Variants in UPP2 observed in about 807,000 individuals in gnomAD.
UPP2 encodes uridine phosphorylase 2.
Under a neutral mutation model 26.7 loss-of-function variants are expected in UPP2, and 23 were observed. The ratio of observed to expected loss-of-function variants is 0.86; its 90% confidence interval spans 0.62 to 1.22. UPP2 has a LOEUF of 1.22. Ranked by LOEUF, UPP2 falls within the 50% of genes most tolerant of loss-of-function variation. UPP2 has a pLI of 0.00. For synonymous variants in UPP2, 127 were observed against 141.3 expected, an observed-to-expected ratio of 0.90 and a Z score of 0.72; for missense variants, 387 against 396.7, an observed-to-expected ratio of 0.98 and a Z score of 0.21.
At chr2:158,120,223 C>T (rs34432055) in intron 4 of UPP2, among the ~76,000 whole-genome samples, 77,601 of 151,534 alleles carry the variant, frequency 0.51, 20,751 homozygotes, top group Middle Eastern at 0.59. Flanking sequence ...AAGGACAAGA[C>T]AGTACATATT....
intron 2 of UPP2, among the ~76,000 whole-genome samples, chr2:158,009,696 C>G (rs936250831): frequency 3.9e-5 from 6 of 152,152 alleles, no homozygotes; most frequent in Non-Finnish European, 7.4e-5. Flanking sequence ...TGGACTGTGC[C>G]CTAGAAGGAA....
chr2:158,030,283 T>C (rs996281314), intron 3 of UPP2, among the ~76,000 whole-genome samples: 4 of 152,220 alleles, frequency 2.6e-5, no homozygotes, highest in Non-Finnish European at 5.9e-5. Flanking sequence ...TTTTAGGTAG[T>C]ACATGATTTT....
At chr2:158,056,936 C>T (rs757858790) in intron 3 of UPP2, among the ~76,000 whole-genome samples, 7 of 152,186 alleles carry the variant, frequency 4.6e-5, no homozygotes, top group African/African-American at 7.2e-5. Flanking sequence ...CTTTGCTTGG[C>T]TGTGGCAGTT....
chr2:158,053,743 A>G (rs891128404), intron 3 of UPP2, among the ~76,000 whole-genome samples: 5 of 152,240 alleles, frequency 3.3e-5, no homozygotes, highest in Non-Finnish European at 7.3e-5. Context: ...TTTTAGCCAC[A>G]GGATGTCTCA....
chr2:158,090,873 C>T (rs1253709143), intron 3 of UPP2, among the ~76,000 whole-genome samples: 3 of 152,172 alleles, frequency 2.0e-5, no homozygotes, highest in African/African-American at 7.2e-5. Context: ...TGGGATTCTG[C>T]AGGATGTATA....
chr2:158,132,542 G>C lies in UPP2; in HGVS notation c.812-2206G>C, dbSNP rs559508563. Among the ~76,000 whole-genome samples, 4 of 152,256 alleles carry C rather than the reference G, an allele frequency of 2.6e-5. No individual in the cohort carries two copies. The South Asian group carries it at 8.3e-4, about 32-fold the overall frequency. On this transcript the variant is annotated intron_variant, in intron 6 of 6. Transcript: ENST00000005756. ...GATTAAGTGATATCATAAATGCTTG[G>C]CATGTAGCAATAACTAAGTCAAACA... is the stretch of plus-strand genomic sequence containing the variant.
At chr2:158,128,632 A>G (rs534480234) in intron 6 of UPP2, among the ~76,000 whole-genome samples, 1 of 152,290 alleles carries the variant, frequency 6.6e-6, no homozygotes, top group Admixed American at 6.5e-5. Context: ...GGTGAGCTGG[A>G]CTTTGAACCC....
In UPP2 at chr2:158,018,229, C is replaced by G. The variant is rs567515802; in HGVS notation, c.147+2343C>G. Among the ~76,000 whole-genome samples, 3 of 152,318 alleles carry G rather than the reference C, an allele frequency of 2.0e-5. No individual in the cohort carries two copies. The South Asian group carries it at 6.2e-4, about 32-fold the overall frequency. ...ATAAAAGCTCCGCTTCCTGTGATATCCCAAGAAATAGCTACTTGCAAAAAT... is the reference window on the plus strand; with the variant it reads ...ATAAAAGCTCCGCTTCCTGTGATATGCCAAGAAATAGCTACTTGCAAAAAT... On this transcript the variant is annotated intron_variant, in intron 3 of 9. Coordinates refer to the UPP2 transcript ENST00000605860.
intron 6 of UPP2, chr2:158,127,881 G>A (rs565665089): frequency 4.2e-6 from 2 of 474,444 alleles, no homozygotes; most frequent in South Asian, 9.0e-5. Context: ...ATGTAAACCT[G>A]TTCAATGGAA....
intron 4 of UPP2, among the ~76,000 whole-genome samples, chr2:158,119,347 C>T (rs2105225642): frequency 6.6e-6 from 1 of 152,140 alleles, no homozygotes. Context: ...GCAAATTAAC[C>T]CACTGTACTG....
Position 158,134,949 on chromosome 2 carries a change from G to T in UPP2, c.*59G>T. 6.6e-7 allele frequency: 1 copy of T among 1,516,836 alleles called. No homozygotes were observed. The highest frequency in any genetic ancestry group is 8.9e-7 in the Non-Finnish European group (1 of 1,129,484). The allele number at this position is 1,516,836 out of a possible 1,614,324, so 94.0% of individuals were successfully genotyped here. A position where few individuals can be genotyped will look rare whatever the true frequency, so the allele number is the denominator to read the frequency against. ...AAGTTTGTAGCTCAAGTTGTAATGT[G>T]AAAGTCATATTTTATTTGTGGCATT... On this transcript the variant is annotated 3_prime_UTR_variant, in exon 7 of 7. Coordinates refer to ENST00000005756, the MANE Select transcript of UPP2 (RefSeq NM_173355.4).
chr2:158,134,669 A>C (rs182778689), intron 6 of UPP2, 79 bp from the exon 7 acceptor site: 3 of 1,453,768 alleles, frequency 2.1e-6, no homozygotes, highest in Non-Finnish European at 2.7e-6. Flanking sequence ...TGTGCTAGGG[A>C]TGCTGGTGTG....
intron 3 of UPP2, among the ~76,000 whole-genome samples, chr2:158,076,211 G>A (rs780438961): frequency 6.6e-6 from 1 of 151,924 alleles, no homozygotes; most frequent in Non-Finnish European, 1.5e-5. Context: ...CCCAGGACCC[G>A]ATGGCTTCAC....
intron 2 of UPP2, among the ~76,000 whole-genome samples, chr2:158,003,001 T>C (rs1382572969): frequency 6.6e-6 from 1 of 152,126 alleles, no homozygotes; most frequent in Non-Finnish European, 1.5e-5. Context: ...TAACTGCTGG[T>C]CCAGGTTAAG....
intron 3 of UPP2, among the ~76,000 whole-genome samples, chr2:158,027,534 A>C (rs1249339441): frequency 6.6e-6 from 1 of 152,082 alleles, no homozygotes; most frequent in Non-Finnish European, 1.5e-5. Context: ...GACTGCTTTC[A>C]TGGGCTGGCA....
chr2:158,010,546 T>A (rs1405358605), intron 2 of UPP2, among the ~76,000 whole-genome samples: 2 of 152,174 alleles, frequency 1.3e-5, no homozygotes, highest in African/African-American at 2.4e-5. Flanking sequence ...ATCCTCCCTT[T>A]TACCTTTCCT....
chr2:158,025,692 G>T (rs1051667292), intron 3 of UPP2, among the ~76,000 whole-genome samples: 7 of 152,262 alleles, frequency 4.6e-5, no homozygotes, highest in African/African-American at 1.7e-4. Flanking sequence ...AGCAGAGAAT[G>T]CTGGGGACAA....
intron 2 of UPP2, among the ~76,000 whole-genome samples, chr2:158,000,300 C>G (rs1381749845): frequency 6.6e-6 from 1 of 152,106 alleles, no homozygotes; most frequent in Non-Finnish European, 1.5e-5. Flanking sequence ...TGATCACTGC[C>G]CAGCTGAAGA....
At chr2:158,105,916 T>C (rs1683182698) in intron 1 of UPP2, among the ~76,000 whole-genome samples, 183 bp from the exon 2 acceptor site, 1 of 152,248 alleles carries the variant, frequency 6.6e-6, no homozygotes, top group Non-Finnish European at 1.5e-5. Context: ...TTCTTGCCAT[T>C]TTCATGCTCA....
Sources: allele counts gnomAD v4.1 joint callset (sites outside exome capture counted in the v4.1 genomes callset), GRCh38; gene constraint gnomAD v4.1.1; transcripts MANE v1.5; gene names NCBI Gene and HGNC (gene_info 2026-07-23, HGNC 2026-07-21).